Variants in KLHL32 observed in about 807,000 individuals in gnomAD.
KLHL32 encodes kelch-like protein 32.
KLHL32 carries 35 observed loss-of-function variants against 64.8 expected under a neutral mutation model. That is an observed-to-expected ratio of 0.54 (90% CI 0.41 to 0.72). The LOEUF is 0.72. Ranked by LOEUF, KLHL32 falls within the 30% of genes least tolerant of loss-of-function variation. KLHL32 has a pLI of 0.00. For synonymous variants in KLHL32, 259 were observed against 281.0 expected, an observed-to-expected ratio of 0.92 and a Z score of 0.78; for missense variants, 589 against 768.5, an observed-to-expected ratio of 0.77 and a Z score of 2.76.
intron 6 of KLHL32, among the ~76,000 whole-genome samples, chr6:97,095,128 A>G (rs1374144045): frequency 6.6e-6 from 1 of 152,220 alleles, no homozygotes; most frequent in Non-Finnish European, 1.5e-5. Context: ...ACAATGGAAA[A>G]TTACTCACAG....
chr6:97,040,301 T>C (rs1319294598), intron 3 of KLHL32, among the ~76,000 whole-genome samples: 1 of 151,700 alleles, frequency 6.6e-6, no homozygotes, highest in Admixed American at 6.6e-5. Flanking sequence ...CAAATTAGCA[T>C]GGGGTTGTAT....
At chr6:97,091,421 T>A (rs1325421488) in intron 6 of KLHL32, among the ~76,000 whole-genome samples, 1 of 152,204 alleles carries the variant, frequency 6.6e-6, no homozygotes, top group Non-Finnish European at 1.5e-5. Context: ...TACCCAGCCA[T>A]GTCCTGTGGG....
Position 97,007,155 on chromosome 6 carries a change from A to G in KLHL32, c.204+30978A>G, listed in dbSNP as rs1046680604. Among the ~76,000 whole-genome samples the G allele has an allele frequency of 3.3e-5, 5 of 151,542 alleles. No homozygotes were observed. The East Asian group carries it at 9.7e-4, about 29-fold the overall frequency. On this transcript the variant is annotated intron_variant, in intron 3 of 10. Transcript: ENST00000369261. ...TGAATTGTAGATTTGGTCTCTTTAC[A>G]TTATCCCATATTTCTTGGAGGTTTT...
intron 3 of KLHL32, among the ~76,000 whole-genome samples, chr6:96,997,927 T>C (rs977030018): frequency 2.0e-4 from 31 of 152,212 alleles, no homozygotes; most frequent in Non-Finnish European, 2.5e-4. Context: ...ATTCATGTTG[T>C]TTCCTATTTG....
intron 5 of KLHL32, among the ~76,000 whole-genome samples, chr6:97,084,006 G>A (rs1299178490): frequency 6.6e-6 from 1 of 152,074 alleles, no homozygotes; most frequent in Admixed American, 6.5e-5. Flanking sequence ...ATTGCCTTGG[G>A]GTGAGTTTTC....
intron 3 of KLHL32, among the ~76,000 whole-genome samples, chr6:97,021,714 G>T (rs533536339): frequency 6.6e-6 from 1 of 150,704 alleles, no homozygotes; most frequent in African/African-American, 2.5e-5. Context: ...TTATATTTCC[G>T]AATTGGACTT....
intron 9 of KLHL32, 129 bp from the exon 10 acceptor site, chr6:97,132,524 G>A: frequency 1.5e-6 from 1 of 656,052 alleles, no homozygotes; most frequent in Non-Finnish European, 2.6e-6. Context: ...GTGATTAGTT[G>A]CTGCAAAAAT....
chr6:96,949,379 C>G (rs1772300798), intron 1 of KLHL32, among the ~76,000 whole-genome samples: 1 of 152,126 alleles, frequency 6.6e-6, no homozygotes, highest in Non-Finnish European at 1.5e-5. Context: ...CACATTTGTT[C>G]ACACTTGTTA....
Position 97,114,179 on chromosome 6 carries a change from G to T in KLHL32, c.1024G>T (p.Ala342Ser). 6.2e-7 allele frequency: 1 copy of T among 1,614,196 alleles called. No individual in the cohort carries two copies. Among genetic ancestry groups the T allele is most frequent in the Non-Finnish European group, 8.5e-7 (1 of 1,180,026 alleles). The stretch of plus-strand genomic sequence containing the variant: ...TGTGGGAAGGAGCCACCATTGTGTG[G>T]CAGTCATGGGGGACTTCCTGTTTGT... Reference protein sequence around the residue: ...MPVGRSHHCVAVMGDFLFVAG... With the variant: ...MPVGRSHHCVSVMGDFLFVAG... Residue 342 changes from alanine to serine, a missense_variant, in exon 7 of 11, where the codon GCA (alanine) becomes TCA (serine). Physicochemically the swap from Ala to Ser is moderately conservative, Grantham distance 99. This residue lies in a region of KLHL32 where 226 missense variants were observed against 353.2 expected (regional missense o/e 0.64). Coordinates refer to ENST00000369261, the MANE Select transcript of KLHL32 (RefSeq NM_052904.4).
At chr6:97,135,299 A>ATTCTT (rs770479934) in intron 10 of KLHL32, among the ~76,000 whole-genome samples, 1 of 109,570 alleles carries the variant, frequency 9.1e-6, no homozygotes. Flanking sequence ...AAATTTGTTA[A>ATTCTT]TTTTTTTTTT....
intron 3 of KLHL32, among the ~76,000 whole-genome samples, chr6:97,015,178 T>C (rs1780984686): frequency 6.6e-6 from 1 of 152,226 alleles, no homozygotes. Context: ...ACCTCCTTTC[T>C]TTATAAATCA....
intron 3 of KLHL32, among the ~76,000 whole-genome samples, chr6:97,037,361 T>C (rs74351655): frequency 0.024 from 3,666 of 152,092 alleles, 48 homozygotes; most frequent in East Asian, 0.07. Context: ...GTCCATCTTA[T>C]ACATATTAAT....
At chr6:97,018,407 T>G (rs1582727493) in intron 3 of KLHL32, among the ~76,000 whole-genome samples, 1 of 149,006 alleles carries the variant, frequency 6.7e-6, no homozygotes, top group Admixed American at 6.7e-5. Context: ...GCCAACATGG[T>G]GAAACCCTGT....
chr6:97,137,013 C>T (rs534117876), intron 10 of KLHL32, among the ~76,000 whole-genome samples: 1 of 152,320 alleles, frequency 6.6e-6, no homozygotes, highest in South Asian at 2.1e-4. Flanking sequence ...TTAATTTTTT[C>T]CGGTATCAAT....
At chr6:97,016,283 A>C (rs1311884031) in intron 3 of KLHL32, among the ~76,000 whole-genome samples, 1 of 152,220 alleles carries the variant, frequency 6.6e-6, no homozygotes. Flanking sequence ...AAGCCCATGA[A>C]AGCAGAGAGG....
chr6:96,985,259 T>C (rs1776871253), intron 3 of KLHL32, among the ~76,000 whole-genome samples: 1 of 152,250 alleles, frequency 6.6e-6, no homozygotes, highest in Non-Finnish European at 1.5e-5. Flanking sequence ...TCTGATGGGC[T>C]TCCCTTTGTG....
At position 97,130,812 on chromosome 6, in the gene KLHL32, C is replaced by T. The variant is rs752862595; in HGVS notation, c.1469C>T (p.Ala490Val). The T allele has an allele frequency of 2.5e-6, 4 of 1,613,964 alleles. No individual in the cohort carries two copies. In the East Asian group the frequency reaches 6.7e-5, roughly 27 times the overall value. ...MLQRRVYHSMAAVQRKLYVLG... is the reference protein window; with the variant it reads ...MLQRRVYHSMVAVQRKLYVLG... ...CAGAGAAGGGTCTACCATTCCATGG[C>T]TGCTGTACAAAGGAAGCTTTATGTT... Residue 490 changes from alanine to valine, a missense_variant, in exon 9 of 11, where the codon GCT becomes GTT. By Grantham distance (64) the Ala-to-Val change is moderately conservative (BLOSUM62 0). Coordinates refer to ENST00000369261, the MANE Select transcript of KLHL32 (RefSeq NM_052904.4).
intron 1 of KLHL32, among the ~76,000 whole-genome samples, chr6:96,962,979 A>G (rs1774035745): frequency 6.6e-6 from 1 of 152,354 alleles, no homozygotes; most frequent in Non-Finnish European, 1.5e-5. Context: ...TTGAGAAGTT[A>G]CTACAGTAGC....
intron 7 of KLHL32, among the ~76,000 whole-genome samples, chr6:97,117,690 T>C (rs1177835186): frequency 1.3e-5 from 2 of 152,184 alleles, no homozygotes; most frequent in African/African-American, 4.8e-5. Context: ...AATTGCAGTA[T>C]CAAGGTAAAA....
Sources: allele counts gnomAD v4.1 joint callset (sites outside exome capture counted in the v4.1 genomes callset), GRCh38; gene constraint gnomAD v4.1.1; regional missense constraint gnomAD v4.1.1; transcripts MANE v1.5; gene names NCBI Gene and HGNC (gene_info 2026-07-23, HGNC 2026-07-21).